Variants in PDE10A observed in about 807,000 individuals in gnomAD.
The protein encoded by PDE10A is phosphodiesterase 10A, also known as cAMP and cAMP-inhibited cGMP 3',5'-cyclic phosphodiesterase 10A.
PDE10A carries 39 observed loss-of-function variants against 97.7 expected under a neutral mutation model. The ratio of observed to expected loss-of-function variants is 0.40; its 90% CI spans 0.31 to 0.52. The LOEUF (loss-of-function observed/expected upper bound fraction) is 0.52. PDE10A is among the 20% of genes least tolerant of loss of function. The pLI, the probability that PDE10A is intolerant of heterozygous loss-of-function variation, is 0.56. For synonymous variants in PDE10A, 371 were observed against 376.8 expected (o/e 0.98, Z 0.18); for missense variants, 731 against 1,047.8 (o/e 0.70, Z 4.17).
chr6:165,619,368 T>C (rs968903414), intron 1 of PDE10A, among the ~76,000 whole-genome samples: 3 of 119,284 alleles, frequency 2.5e-5, no homozygotes, highest in Admixed American at 7.7e-5. Flanking sequence ...TCTAGTGTAG[T>C]GTGGTGTAGT....
intron 2 of PDE10A, among the ~76,000 whole-genome samples, chr6:165,532,523 G>T (rs1782845276): frequency 6.6e-6 from 1 of 151,992 alleles, no homozygotes; most frequent in Admixed American, 6.6e-5. Context: ...TCCTCTGGGG[G>T]TTTGGAAAGG....
intron 1 of PDE10A, among the ~76,000 whole-genome samples, chr6:165,845,321 A>G (rs1780383988): frequency 6.6e-6 from 1 of 152,254 alleles, no homozygotes; most frequent in Admixed American, 6.5e-5. Context: ...AAATTATCAC[A>G]AATGGCAATC....
At chr6:165,458,474 C>A (rs1877305) in intron 3 of PDE10A, among the ~76,000 whole-genome samples, 49,281 of 151,904 alleles carry the variant, frequency 0.32, 8,651 homozygotes, top group African/African-American at 0.46. Context: ...TGTGCCATCA[C>A]CTTGATCTTG....
intron 19 of PDE10A, 128 bp from the exon 20 acceptor site, chr6:165,339,486 C>A: frequency 1.6e-6 from 1 of 644,802 alleles, no homozygotes; most frequent in Non-Finnish European, 2.7e-6. Flanking sequence ...GTTGTTAACC[C>A]AAGAAAAGTA....
intron 1 of PDE10A, among the ~76,000 whole-genome samples, chr6:165,610,530 C>CAAAA (rs201763144): frequency 9.1e-5 from 5 of 54,872 alleles, no homozygotes; most frequent in Admixed American, 1.9e-4. Flanking sequence ...GACTCCGTCT[C>CAAAA]AAAAAAAAAA....
At chr6:165,794,213 TCACA>T (rs772505900) in intron 1 of PDE10A, among the ~76,000 whole-genome samples, 1 of 142,458 alleles carries the variant, frequency 7.0e-6, no homozygotes, top group Non-Finnish European at 1.5e-5. Flanking sequence ...CACACACTCA[TCACA>T]CAATCATACA....
chr6:165,630,159 C>T (rs868428251), intron 1 of PDE10A, among the ~76,000 whole-genome samples: 10 of 151,954 alleles, frequency 6.6e-5, no homozygotes, highest in South Asian at 2.1e-4. Flanking sequence ...GACCAGCCTG[C>T]GCAACATGAT....
At chr6:165,684,468 G>A (rs977062676) in intron 1 of PDE10A, among the ~76,000 whole-genome samples, 10 of 152,208 alleles carry the variant, frequency 6.6e-5, no homozygotes, top group Non-Finnish European at 1.2e-4. Flanking sequence ...TCTCCTGGGT[G>A]GCTCCTTTCC....
At chr6:165,566,191 G>C (rs1248598009) in intron 1 of PDE10A, among the ~76,000 whole-genome samples, 2 of 152,086 alleles carry the variant, frequency 1.3e-5, no homozygotes, top group African/African-American at 4.8e-5. Flanking sequence ...ATCAGATAAA[G>C]ACTTAACCCA....
chr6:165,459,644 T>A (rs913358392), intron 3 of PDE10A, among the ~76,000 whole-genome samples: 2 of 152,058 alleles, frequency 1.3e-5, no homozygotes, highest in Non-Finnish European at 2.9e-5. Context: ...AGTACTGCAG[T>A]TATTAGCTTT....
intron 1 of PDE10A, among the ~76,000 whole-genome samples, chr6:165,654,785 G>A (rs74367683): frequency 9.9e-5 from 15 of 152,220 alleles, no homozygotes; most frequent in Admixed American, 3.3e-4. Flanking sequence ...CCGAGGCCAC[G>A]GACGACCTCC....
At chr6:165,642,940 A>G (rs574125822) in intron 1 of PDE10A, among the ~76,000 whole-genome samples, 1 of 152,048 alleles carries the variant, frequency 6.6e-6, no homozygotes, top group East Asian at 1.9e-4. Flanking sequence ...TGCCTCATAC[A>G]TATTTTTGTC....
At chr6:165,835,133 G>A (rs1780032921) in intron 1 of PDE10A, among the ~76,000 whole-genome samples, 2 of 150,958 alleles carry the variant, frequency 1.3e-5, no homozygotes, top group Non-Finnish European at 3.0e-5. Context: ...GCCGTCCTCG[G>A]ATGTGTCAGA....
chr6:165,468,358 G>A (rs954584177), intron 3 of PDE10A, among the ~76,000 whole-genome samples: 1 of 152,000 alleles, frequency 6.6e-6, no homozygotes, highest in South Asian at 2.1e-4. Context: ...AAAGCGCTGG[G>A]ATTACAGGCG....
chr6:165,532,327 G>A (rs1056881936), intron 2 of PDE10A, among the ~76,000 whole-genome samples: 9 of 150,790 alleles, frequency 6.0e-5, no homozygotes, highest in Admixed American at 4.0e-4. Context: ...CTAGATAAGC[G>A]CATATCTAGT....
intron 2 of PDE10A, among the ~76,000 whole-genome samples, chr6:165,501,572 C>CAAA (rs1418840694): frequency 1.0e-5 from 1 of 97,602 alleles, no homozygotes; most frequent in African/African-American, 3.7e-5. Flanking sequence ...GACTCCGTCT[C>CAAA]AAAAAAAAAA....
At chr6:165,672,220 A>G (rs1340625530) in intron 1 of PDE10A, among the ~76,000 whole-genome samples, 2 of 152,206 alleles carry the variant, frequency 1.3e-5, no homozygotes, top group African/African-American at 2.4e-5. Context: ...GGTCAATGGT[A>G]TAAGGCAAGC....
intron 3 of PDE10A, among the ~76,000 whole-genome samples, chr6:165,466,549 C>T (rs1778662654): frequency 6.6e-6 from 1 of 152,204 alleles, no homozygotes; most frequent in Non-Finnish European, 1.5e-5. Context: ...CAAAAAATTC[C>T]ATCAGCGCCA....
At chr6:165,887,996 C>T (rs1486737041) in intron 1 of PDE10A, among the ~76,000 whole-genome samples, 1 of 152,202 alleles carries the variant, frequency 6.6e-6, no homozygotes, top group African/African-American at 2.4e-5. Context: ...TCATTAATTT[C>T]CCTTCAGTCA....
Sources: gnomAD v4.1 joint callset for allele counts (sites outside exome capture counted in the v4.1 genomes callset) on GRCh38, gnomAD v4.1.1 for gene constraint, MANE v1.5 for transcripts, NCBI Gene and HGNC (gene_info 2026-07-23, HGNC 2026-07-21) for gene names.